Variants in SULT2B1 observed in about 807,000 individuals in gnomAD.
The protein encoded by SULT2B1 is sulfotransferase 2B1.
A neutral mutation model predicts 33.2 loss-of-function variants in SULT2B1; 16 were observed. That is an observed-to-expected ratio of 0.48 (90% CI 0.33 to 0.73). SULT2B1 has a LOEUF of 0.73. Ranked by LOEUF, SULT2B1 falls within the 30% of genes least tolerant of loss-of-function variation. The pLI is 0.02. For synonymous variants in SULT2B1, 186 were observed against 200.5 expected, an observed-to-expected ratio of 0.93 and a Z score of 0.61; for missense variants, 500 against 506.0, an observed-to-expected ratio of 0.99 and a Z score of 0.11.
At chr19:48,597,047 G>T in intron 6 of SULT2B1, 128 bp downstream of exon 6, 1 of 1,108,458 alleles carries the variant, frequency 9.0e-7, no homozygotes, top group Non-Finnish European at 1.3e-6. Context: ...GGGTCACTGT[G>T]GCCCCAGGGT....
At chr19:48,586,968 G>C (rs1973568351) in intron 2 of SULT2B1, among the ~76,000 whole-genome samples, 3 of 152,072 alleles carry the variant, frequency 2.0e-5, no homozygotes, top group Admixed American at 2.0e-4. Context: ...AAATTAGCCA[G>C]GCGTGGTGGT....
At chr19:48,588,209 C>CAA (rs36003772) in intron 3 of SULT2B1, among the ~76,000 whole-genome samples, 3,210 of 116,046 alleles carry the variant, frequency 0.028, 134 homozygotes, top group African/African-American at 0.09. Context: ...GATTTCATCT[C>CAA]AAAAAAAAAA....
chr19:48,579,146 T>C (rs1200113602), intron 2 of SULT2B1, among the ~76,000 whole-genome samples: 1 of 152,190 alleles, frequency 6.6e-6, no homozygotes, highest in Non-Finnish European at 1.5e-5. Context: ...CAGAGTCTCA[T>C]TCATTTTTAT....
At chr19:48,573,392 C>G (rs904194371) in intron 1 of SULT2B1, among the ~76,000 whole-genome samples, 1 of 152,084 alleles carries the variant, frequency 6.6e-6, no homozygotes, top group African/African-American at 2.4e-5. Context: ...TGGGAACAAA[C>G]AGGCCTGTTT....
Position 48,599,254 on chromosome 19 carries a change from G to T in SULT2B1, c.946G>T (p.Asp316Tyr). ...CCCCTGGGATGAAGACCCGGAGGAG[G>T]ACGGCAGCCCAGATCCTGAGCCCAG... is the stretch of plus-strand genomic sequence containing the variant. ...TFPWDEDPEE[D>Y]GSPDPEPSPE... Residue 316 changes from aspartate (D) to tyrosine (Y), a missense_variant, in exon 7 of 7, where the codon GAC becomes TAC. Asp to Tyr is a radical substitution (Grantham distance 160, BLOSUM62 -3). Transcript: ENST00000201586. The surrounding 1 kb of genome is among the most constrained non-coding windows in gnomAD (Gnocchi z 4.1). 3 of 1,610,858 alleles carry T rather than the reference G, an allele frequency of 1.9e-6. No individual in the cohort carries two copies. The South Asian group carries it at 3.3e-5, about 18-fold the overall frequency.
chr19:48,599,372 A>G lies in SULT2B1; in HGVS notation c.1064A>G (p.Gln355Arg). 6.4e-7 allele frequency: 1 copy of G among 1,563,348 alleles called. No homozygotes were observed. The highest frequency in any genetic ancestry group is 8.7e-7 in the Non-Finnish European group (1 of 1,153,926). The change falls in exon 7 of 7, where the codon CAG becomes CGG. Residue 355 changes from glutamine (Q) to arginine (R), a missense_variant. By Grantham distance (43) the Gln-to-Arg change is conservative. Coordinates refer to ENST00000201586, the MANE Select transcript of SULT2B1 (RefSeq NM_177973.2). This position sits in a 1 kb window ranked among gnomAD's most constrained non-coding sequence, Gnocchi z 4.1. ...PNSSPSPSPG[Q>R]ASETPHPRPS ...TCCAGCCCCAGCCCCAGCCCCGGCC[A>G]GGCCTCTGAGACCCCGCACCCACGA...
At chr19:48,595,322 C>G (rs1459048131) in intron 5 of SULT2B1, among the ~76,000 whole-genome samples, 1 of 151,850 alleles carries the variant, frequency 6.6e-6, no homozygotes, top group Non-Finnish European at 1.5e-5. Flanking sequence ...GGACTAAGGG[C>G]TCCAGGGACC....
intron 5 of SULT2B1, among the ~76,000 whole-genome samples, chr19:48,593,895 A>G (rs1030622514): frequency 1.3e-5 from 2 of 150,744 alleles, no homozygotes; most frequent in Admixed American, 6.6e-5. Flanking sequence ...CGGCCTCCCA[A>G]AGTTTTTATA....
At position 48,579,577 on chromosome 19, in the gene SULT2B1, C is replaced by T. The variant is rs949929408; in HGVS notation, c.214+3494C>T. Among the ~76,000 whole-genome samples, 8 of 140,488 alleles carry T rather than the reference C, an allele frequency of 5.7e-5. No homozygotes were observed. In the East Asian group the frequency reaches 8.8e-4, roughly 15 times the overall value. The allele number at this position is 140,488 out of a possible 152,430, so 92.2% of individuals were successfully genotyped here. ...GATTACAGGCACGAGCCACCGCGCC[C>T]GGCCTTTTTCTTTTCTTTTCTTTCT... On this transcript the variant is annotated intron_variant, in intron 2 of 6. Transcript: ENST00000201586.
rs769942417 is a variant in SULT2B1 at position 48,599,222 on chromosome 19, C to T, written c.914C>T (p.Pro305Leu). 174 of 1,607,574 alleles carry T rather than the reference C, an allele frequency of 1.1e-4. No individual in the cohort carries two copies. In the Admixed American group the frequency reaches 2.1e-3, roughly 19 times the overall value. The change falls in exon 7 of 7, where the codon CCG becomes CTG. Residue 305 changes from proline to leucine, a missense_variant. By Grantham distance (98) the Pro-to-Leu change is moderately conservative. Coordinates refer to ENST00000201586, the MANE Select transcript of SULT2B1 (RefSeq NM_177973.2). The surrounding 1 kb of genome is among the most constrained non-coding windows in gnomAD (Gnocchi z 4.1). ...TACCGCAAGCAGATGCGGGGGATGCCGACCTTCCCCTGGGATGAAGACCCG... is the reference window on the plus strand; with the variant it reads ...TACCGCAAGCAGATGCGGGGGATGCTGACCTTCCCCTGGGATGAAGACCCG... ...RAYRKQMRGMPTFPWDEDPEE... is the reference protein window; with the variant it reads ...RAYRKQMRGMLTFPWDEDPEE...
In SULT2B1 at chr19:48,596,747, G is replaced by A. The variant is rs749794091; in HGVS notation, c.654G>A (p.Gln218=). ...CTCTCCCCTGCCTGCAGGACTTACA[G>A]GGCTCCGTGGAGCGCATCTGTGGGT... ...ITYEELQQDL[Q]GSVERICGFL... is the part of the protein sequence containing the mutation. The change falls in exon 6 of 7, where the codon CAG becomes CAA. Residue 218 remains glutamine (Q), a synonymous_variant. Transcript: ENST00000201586. 5 of 1,604,134 alleles carry A rather than the reference G, an allele frequency of 3.1e-6. No individual in the cohort carries two copies. The East Asian group carries it at 1.1e-4, about 36-fold the overall frequency.
chr19:48,585,377 G>C (rs374950574), intron 2 of SULT2B1, among the ~76,000 whole-genome samples: 2 of 151,972 alleles, frequency 1.3e-5, no homozygotes, highest in Admixed American at 6.6e-5. Flanking sequence ...AAATAAAGAG[G>C]TGAACCTCAG....
At chr19:48,583,244 G>A (rs890450934) in intron 2 of SULT2B1, among the ~76,000 whole-genome samples, 2 of 152,116 alleles carry the variant, frequency 1.3e-5, no homozygotes, top group African/African-American at 4.8e-5. Context: ...TGGTGAGCAT[G>A]TAGAATGGTA....
intron 1 of SULT2B1, among the ~76,000 whole-genome samples, chr19:48,569,363 CATATATATATATATAT>C (rs1159840741): frequency 3.0e-4 from 10 of 33,280 alleles, no homozygotes; most frequent in East Asian, 2.4e-3. Flanking sequence ...AAAAAAAAAA[CATATATATATATATAT>C]ATATATATAT....
intron 4 of SULT2B1, among the ~76,000 whole-genome samples, chr19:48,592,322 A>G (rs1444677644): frequency 1.3e-5 from 2 of 152,116 alleles, no homozygotes; most frequent in Non-Finnish European, 2.9e-5. Flanking sequence ...AGAGATAAGG[A>G]AATAAATGCA....
At chr19:48,576,357 C>T (rs2544792) in intron 2 of SULT2B1, among the ~76,000 whole-genome samples, 89,385 of 113,414 alleles carry the variant, frequency 0.79, 35,692 homozygotes, top group African/African-American at 0.85. Context: ...CCCTCTACTT[C>T]TCTTTTTTTT....
intron 1 of SULT2B1, among the ~76,000 whole-genome samples, chr19:48,553,338 G>C (rs913808457): frequency 1.3e-5 from 2 of 151,998 alleles, no homozygotes; most frequent in South Asian, 4.1e-4. Context: ...ATGGAGTTTC[G>C]CTCTTGTTGC....
intron 1 of SULT2B1, among the ~76,000 whole-genome samples, chr19:48,564,760 C>G (rs1192309681): frequency 1.3e-5 from 2 of 151,774 alleles, no homozygotes; most frequent in Admixed American, 6.6e-5. Context: ...ATCTTTGCAT[C>G]CCTCTAGCCA....
chr19:48,569,912 T>C (rs8108917), intron 1 of SULT2B1, among the ~76,000 whole-genome samples: 98,306 of 151,668 alleles, frequency 0.65, 32,674 homozygotes, highest in African/African-American at 0.75. Context: ...GTGATCCACC[T>C]GTCTCGGCTT....
Sources: allele counts gnomAD v4.1 joint callset (sites outside exome capture counted in the v4.1 genomes callset), GRCh38; gene constraint gnomAD v4.1.1; non-coding constraint Gnocchi (gnomAD v3.1); transcripts MANE v1.5; gene names NCBI Gene and HGNC (gene_info 2026-07-23, HGNC 2026-07-21).